The following CABP1 variants were observed in gnomAD, a reference collection of about 807,000 sequenced individuals.
CABP1 encodes calcium binding protein 1, also known as calcium-binding protein 1.
A neutral mutation model predicts 34.3 loss-of-function variants in CABP1; 17 were observed. That is an observed-to-expected ratio of 0.50 (90% CI 0.34 to 0.74). The LOEUF is 0.74. CABP1 is among the 30% of genes least tolerant of loss of function. The pLI is 0.01. For missense variants in CABP1, 373 were observed against 511.1 expected (o/e 0.73, Z 2.61); for synonymous variants, 198 against 229.2 (o/e 0.86, Z 1.23).
Position 120,667,134 on chromosome 12 carries a change from C to T in CABP1, c.*234C>T, listed in dbSNP as rs969298245. The T allele has an allele frequency of 1.2e-5, 7 of 589,830 alleles. No individual in the cohort carries two copies. Among genetic ancestry groups the T allele is most frequent in the South Asian group, 4.0e-5 (2 of 49,448 alleles). 36.5% of individuals were successfully genotyped at this position (589,830 alleles called of 1,614,324 possible). A position where few individuals can be genotyped will look rare whatever the true frequency, so the allele number is the denominator to read the frequency against. On this transcript the variant is annotated 3_prime_UTR_variant, in exon 6 of 6. Transcript: ENST00000316803. ...CGACGAGGAGGCCACCGTGCCAAGC[C>T]GGCAGAGGTCATGCCAGGCGCCAAG...
At chr12:120,659,826 G>A in intron 1 of CABP1, 52 bp from the exon 2 acceptor site, 2 of 1,595,080 alleles carry the variant, frequency 1.3e-6, no homozygotes, top group Middle Eastern at 1.7e-4. Flanking sequence ...TAGGTATTTT[G>A]TGACTTCCAG....
chr12:120,649,326 A>G (rs1159274142), intron 1 of CABP1, among the ~76,000 whole-genome samples: 2 of 152,192 alleles, frequency 1.3e-5, no homozygotes, highest in Non-Finnish European at 2.9e-5. Flanking sequence ...GCTAGCGTGC[A>G]AGAATGGGCT....
At chr12:120,655,872 C>T in intron 1 of CABP1, 1 of 1,535,960 alleles carries the variant, frequency 6.5e-7, no homozygotes, top group Non-Finnish European at 8.7e-7. Flanking sequence ...ACACAGAGGG[C>T]ATCACATTCA....
At chr12:120,648,346 G>A (rs889022622) in intron 1 of CABP1, among the ~76,000 whole-genome samples, 15 of 152,122 alleles carry the variant, frequency 9.9e-5, no homozygotes, top group African/African-American at 2.9e-4. Flanking sequence ...GAATGTAAGC[G>A]TCCTGAAATC....
chr12:120,678,118 C>A, the CABP1 span, among the ~76,000 whole-genome samples: 1 of 152,208 alleles, frequency 6.6e-6, no homozygotes, highest in Non-Finnish European at 1.5e-5. Flanking sequence ...ACCAAACCAC[C>A]CACCTCAGAG....
the CABP1 span, among the ~76,000 whole-genome samples, chr12:120,678,505 C>T: frequency 6.6e-6 from 1 of 152,180 alleles, no homozygotes; most frequent in African/African-American, 2.4e-5. Flanking sequence ...TTTCTTCATA[C>T]ATAATTAATA....
intron 1 of CABP1, among the ~76,000 whole-genome samples, chr12:120,656,781 G>C (rs934177981): frequency 2.0e-5 from 3 of 152,152 alleles, no homozygotes; most frequent in African/African-American, 7.2e-5. Flanking sequence ...TGTAATCCCA[G>C]CTACTCAAGA....
At chr12:120,669,165 C>T (rs1307926237), downstream of CABP1, among the ~76,000 whole-genome samples, 1 of 152,242 alleles carries the variant, frequency 6.6e-6, no homozygotes. Flanking sequence ...AGGGAGGATC[C>T]TTATTCTCAG....
At chr12:120,644,325 A>C (rs889779031) in intron 1 of CABP1, among the ~76,000 whole-genome samples, 1 of 152,204 alleles carries the variant, frequency 6.6e-6, no homozygotes, top group African/African-American at 2.4e-5. Context: ...TTAATAGGGT[A>C]ATTGAATGAG....
At chr12:120,674,039 C>A in the CABP1 span, among the ~76,000 whole-genome samples, 2 of 152,060 alleles carry the variant, frequency 1.3e-5, no homozygotes, top group Non-Finnish European at 2.9e-5. Context: ...TAAAAATTAG[C>A]CAGGGATGGT....
chr12:120,671,003 C>G (rs1370555908), downstream of CABP1, among the ~76,000 whole-genome samples: 2 of 152,256 alleles, frequency 1.3e-5, no homozygotes, highest in East Asian at 3.9e-4. Context: ...GTAGTACCCA[C>G]TAGGTTAGCC....
intron 1 of CABP1, among the ~76,000 whole-genome samples, chr12:120,654,138 G>A (rs1212189968): frequency 6.6e-6 from 1 of 152,218 alleles, no homozygotes; most frequent in East Asian, 1.9e-4. Context: ...ATCAAACCAG[G>A]AGGGGCTCTT....
the CABP1 span, among the ~76,000 whole-genome samples, chr12:120,677,390 C>CTTTTT: frequency 5.3e-4 from 41 of 76,790 alleles, no homozygotes; most frequent in African/African-American, 1.5e-3. Context: ...GCCCAGCCTT[C>CTTTTT]TTTTTTTTTT....
intron 5 of CABP1, among the ~76,000 whole-genome samples, chr12:120,663,458 T>C (rs1880781169): frequency 6.6e-6 from 1 of 151,826 alleles, no homozygotes; most frequent in Admixed American, 6.6e-5. Flanking sequence ...GTATTTTTAG[T>C]AGAGACAGGG....
At chr12:120,676,797 C>A in the CABP1 span, among the ~76,000 whole-genome samples, 3 of 152,178 alleles carry the variant, frequency 2.0e-5, no homozygotes, top group Admixed American at 6.5e-5. Context: ...CTTTACACCT[C>A]ATTTCCAGGT....
chr12:120,670,674 G>C (rs1704827740), downstream of CABP1, among the ~76,000 whole-genome samples: 1 of 152,134 alleles, frequency 6.6e-6, no homozygotes, highest in Admixed American at 6.5e-5. Context: ...CTTGAACCCG[G>C]GAGGCAGAGG....
At chr12:120,650,495 G>C (rs1347204494) in intron 1 of CABP1, 10 of 1,532,092 alleles carry the variant, frequency 6.5e-6, no homozygotes, top group Non-Finnish European at 8.7e-6. Context: ...GCGCGCAAGA[G>C]AGGGCTCACA....
At chr12:120,677,165 G>A in the CABP1 span, among the ~76,000 whole-genome samples, 6,041 of 145,214 alleles carry the variant, frequency 0.042, 171 homozygotes, top group South Asian at 0.1. Flanking sequence ...TCAGCTCACT[G>A]CAACCTCCGC....
At chr12:120,656,112 C>A (rs766135094) in intron 1 of CABP1, 6 of 1,614,086 alleles carry the variant, frequency 3.7e-6, no homozygotes, top group Non-Finnish European at 5.1e-6. Context: ...GAGGAACAGA[C>A]CAGCTACATG....
Sources: gnomAD v4.1 joint callset for allele counts (sites outside exome capture counted in the v4.1 genomes callset) on GRCh38, gnomAD v4.1.1 for gene constraint, MANE v1.5 for transcripts, NCBI Gene and HGNC (gene_info 2026-07-23, HGNC 2026-07-21) for gene names.